MCM9: variants seen among roughly 807,000 people sequenced by gnomAD.
MCM9 encodes the protein DNA helicase MCM9.
In MCM9, 55 loss-of-function variants were observed where a neutral mutation model predicts 72.8. That is an observed-to-expected ratio of 0.76 (90% CI 0.61 to 0.95). MCM9 has a LOEUF of 0.95. Ranked by LOEUF, MCM9 falls within the 40% of genes least tolerant of loss-of-function variation. The probability of loss-of-function intolerance (pLI) is 0.00; values close to 1 mark genes in which losing one functional copy is unlikely to be tolerated. For synonymous variants in MCM9, 480 were observed against 503.4 expected (o/e 0.95, Z 0.62); for missense variants, 1,279 against 1,377.0 (o/e 0.93, Z 1.13).
chr6:118,904,330 C>T (rs748247446), intron 8 of MCM9, among the ~76,000 whole-genome samples: 1 of 152,168 alleles, frequency 6.6e-6, no homozygotes, highest in Non-Finnish European at 1.5e-5. Flanking sequence ...TATCATCTAC[C>T]TGTGTTAGGC....
At chr6:118,900,833 T>C (rs576814869) in intron 8 of MCM9, 1 of 1,613,886 alleles carries the variant, frequency 6.2e-7, no homozygotes, top group Non-Finnish European at 8.5e-7. Context: ...TTTTAGACTC[T>C]GTTTTAGTGG....
chr6:118,934,615 G>T (rs758404047), intron 1 of MCM9: 24 of 152,184 alleles, frequency 1.6e-4, no homozygotes, highest in Admixed American at 1.2e-3. Flanking sequence ...GCGCCTCCGG[G>T]CCGCTCGGCT....
chr6:118,881,778 T>C (rs1778303004), intron 8 of MCM9, among the ~76,000 whole-genome samples: 1 of 152,176 alleles, frequency 6.6e-6, no homozygotes, highest in African/African-American at 2.4e-5. Context: ...TCTAAGGGCA[T>C]ACAGTAAATG....
chr6:118,817,491 G>A (rs1017642797), intron 13 of MCM9, among the ~76,000 whole-genome samples: 5 of 152,124 alleles, frequency 3.3e-5, no homozygotes, highest in Non-Finnish European at 7.3e-5. Flanking sequence ...TGTCTGCATA[G>A]TACTCCATGG....
chr6:118,924,708 C>G (rs940020505), intron 3 of MCM9, among the ~76,000 whole-genome samples: 6 of 152,146 alleles, frequency 3.9e-5, no homozygotes, highest in South Asian at 2.1e-4. Context: ...CCTATAAAAG[C>G]CTTGTGTTTT....
intron 9 of MCM9, among the ~76,000 whole-genome samples, chr6:118,845,404 C>T (rs1051961971): frequency 5.3e-5 from 8 of 151,772 alleles, no homozygotes; most frequent in African/African-American, 1.9e-4. Flanking sequence ...AGTTGTGAAG[C>T]TGGAACCGCC....
rs528424810 is a variant in MCM9, at chr6:118,826,807, A to G, written c.1790T>C (p.Val597Ala). 6 of 1,550,420 alleles carry G rather than the reference A, an allele frequency of 3.9e-6. No homozygotes were observed. The African/African-American group carries it at 6.8e-5, about 18-fold the overall frequency. ...CTGCATTGAGGACTCCATGACTGAC[A>G]CCACCGTAATAGCGTCTTCCAGAGT... Reference protein sequence around the residue: ...TVTLEDAITVVSVMESSMQGG... With the variant: ...TVTLEDAITVASVMESSMQGG... The change falls in exon 12 of 14, where the codon GTG (valine) becomes GCG (alanine). Residue 597 changes from valine to alanine, a missense_variant. Transcript: ENST00000619706.
intron 9 of MCM9, among the ~76,000 whole-genome samples, chr6:118,855,239 CTCAA>C (rs1264598970): frequency 7.2e-5 from 11 of 152,274 alleles, no homozygotes; most frequent in South Asian, 4.1e-4. Context: ...TTCTGATTTC[CTCAA>C]TCAAAGAGTT....
chr6:118,852,443 A>G (rs1472159732), intron 9 of MCM9, among the ~76,000 whole-genome samples: 3 of 152,204 alleles, frequency 2.0e-5, no homozygotes, highest in African/African-American at 7.2e-5. Flanking sequence ...TTATCCTTCA[A>G]ATTATTTCCT....
chr6:118,869,254 C>T (rs1051269327), intron 8 of MCM9, among the ~76,000 whole-genome samples: 28 of 151,982 alleles, frequency 1.8e-4, no homozygotes, highest in Admixed American at 6.6e-4. Flanking sequence ...ACACCTGGGC[C>T]TATCTGGGGG....
Position 118,828,960 on chromosome 6 carries a change from G to A in MCM9, c.1528+88C>T, listed in dbSNP as rs139554933. ...CCTGGTACTACATAGCCTATCTTGGGTATTTATTTAATTTTCTTGAAAGGG... is the reference window on the plus strand; with the variant it reads ...CCTGGTACTACATAGCCTATCTTGGATATTTATTTAATTTTCTTGAAAGGG... On this transcript the variant is annotated intron_variant, in intron 10 of 13. Transcript: ENST00000619706. 5.5e-4 allele frequency: 719 copies of A among 1,316,978 alleles called. 3 individuals carry two copies. The African/African-American group carries it at 9.5e-3, about 17-fold the overall frequency. The allele number at this position is 1,316,978 out of a possible 1,614,324, so 81.6% of individuals were successfully genotyped here.
chr6:118,892,741 G>A (rs748555241), intron 8 of MCM9, among the ~76,000 whole-genome samples: 1 of 152,184 alleles, frequency 6.6e-6, no homozygotes, highest in Non-Finnish European at 1.5e-5. Flanking sequence ...CTGGCTTGAA[G>A]AAGTGTTTTT....
At position 118,908,559 on chromosome 6, in the gene MCM9, ATTTTCACACCTG is replaced by A. The variant is rs1245071736; in HGVS notation, c.1150+3079_1150+3090del. On this transcript the variant is annotated intron_variant, in intron 8 of 13. Transcript: ENST00000619706. ...ACGTTACTATTTTGGAAATATATAT[ATTTTCACACCTG>A]TAGTACTCTTCCCCATTTCCTCTGA... 3.9e-5 allele frequency: 6 copies of A among 152,210 alleles called. No individual in the cohort carries two copies. In the East Asian group the frequency reaches 1.2e-3, roughly 29 times the overall value. The allele number at this position is 152,210 out of a possible 1,614,324, so 9.4% of individuals were successfully genotyped here.
Position 118,856,375 on chromosome 6 carries a change from C to A in MCM9, c.1321G>T (p.Ala441Ser). The A allele has an allele frequency of 6.5e-7, 1 of 1,532,738 alleles. No homozygotes were observed. The allele number at this position is 1,532,738 out of a possible 1,614,324, so 94.9% of individuals were successfully genotyped here. A position where few individuals can be genotyped will look rare whatever the true frequency, so the allele number is the denominator to read the frequency against. Residue 441 changes from alanine (A) to serine (S), a missense_variant, in exon 9 of 14, where the codon GCT becomes TCT. Physicochemically the swap from Ala to Ser is moderately conservative, Grantham distance 99. Coordinates refer to ENST00000619706, the MANE Select transcript of MCM9 (RefSeq NM_017696.3). The part of the protein sequence containing the change: ...MEQQTISVAK[A>S]GLVCKLNTRT... ...AGATTTTAAAGAAACTCTTACCCAG[C>A]CTTAGCAACACTTATGGTTTGTTGC...
At position 118,815,528 on chromosome 6, in the gene MCM9, CATTTTCA is replaced by C; in HGVS notation, c.2721_2727del (p.Ile907MetfsTer23). On this transcript the variant is annotated frameshift_variant, in exon 14 of 14. Transcript: ENST00000619706. LOFTEE classifies it low-confidence loss of function (END_TRUNC). ...GCCACAGGGGAACCTGGAGGCTTAACATTTTCAATTGCAGGCTCTTCCACTTGCGCAA... is the reference window on the plus strand; with the variant it reads ...GCCACAGGGGAACCTGGAGGCTTAACATTGCAGGCTCTTCCACTTGCGCAA... 2 of 1,548,470 alleles carry C rather than the reference CATTTTCA, an allele frequency of 1.3e-6. No homozygotes were observed. The highest frequency in any genetic ancestry group is 1.7e-6 in the Non-Finnish European group (2 of 1,146,412).
At position 118,907,277 on chromosome 6, in the gene MCM9, T is replaced by TAC. The variant is rs1434949398; in HGVS notation, c.1150+4371_1150+4372dup. The TAC allele has an allele frequency of 4.6e-6, 3 of 645,938 alleles. No homozygotes were observed. In the African/African-American group the frequency reaches 5.5e-5, roughly 12 times the overall value. The allele number at this position is 645,938 out of a possible 1,614,324, so 40.0% of individuals were successfully genotyped here. A position where few individuals can be genotyped will look rare whatever the true frequency, so the allele number is the denominator to read the frequency against. ...TATTTAAGGTACTTAACTTGAATTATACCTTTGTATATGAACTTAGCCCTT... is the reference window on the plus strand; with the variant it reads ...TATTTAAGGTACTTAACTTGAATTATACACCTTTGTATATGAACTTAGCCCTT... On this transcript the variant is annotated intron_variant, in intron 8 of 13. Transcript: ENST00000619706.
chr6:118,897,929 G>C (rs1425167609), intron 8 of MCM9, among the ~76,000 whole-genome samples: 2 of 152,104 alleles, frequency 1.3e-5, no homozygotes, highest in African/African-American at 2.4e-5. Flanking sequence ...AAAAATCAAT[G>C]TACAAGTGTT....
intron 8 of MCM9, among the ~76,000 whole-genome samples, chr6:118,873,412 A>T (rs1777742404): frequency 6.6e-6 from 1 of 152,208 alleles, no homozygotes; most frequent in Admixed American, 6.5e-5. Flanking sequence ...AGACAAAAAT[A>T]GAAGAGACAT....
rs149803026 is a variant in MCM9, at chr6:118,828,996, A to G, written c.1528+52T>C. ...ATTTTCTTGAAAGGGAATTTCTTTT[A>G]GTTACAGCTAATCTCTCTGTTATTT... On this transcript the variant is annotated intron_variant, in intron 10 of 13. Coordinates refer to ENST00000619706, the MANE Select transcript of MCM9 (RefSeq NM_017696.3). The G allele has an allele frequency of 2.0e-4, 292 of 1,495,874 alleles. No homozygotes were observed. In the East Asian group the frequency reaches 6.7e-3, roughly 34 times the overall value. 92.7% of individuals were successfully genotyped at this position (1,495,874 alleles called of 1,614,324 possible).
Sources: gnomAD v4.1 joint callset for allele counts (sites outside exome capture counted in the v4.1 genomes callset) on GRCh38, gnomAD v4.1.1 for gene constraint, MANE v1.5 for transcripts, NCBI Gene and HGNC (gene_info 2026-07-23, HGNC 2026-07-21) for gene names.